NIPBL: variants seen among roughly 807,000 people sequenced by gnomAD.
NIPBL encodes NIPBL cohesin loading factor.
Under a neutral mutation model 321.8 loss-of-function variants are expected in NIPBL, and 19 were observed. That is an observed-to-expected ratio of 0.06 (90% confidence interval 0.04 to 0.09). NIPBL has a LOEUF of 0.09. Among genes scored for constraint, NIPBL ranks in the 10% least tolerant of loss-of-function variants. The pLI is 1.00. For synonymous variants in NIPBL, 1,106 were observed against 1,114.1 expected, an observed-to-expected ratio of 0.99 and a Z score of 0.14; for missense variants, 2,210 against 3,327.0, an observed-to-expected ratio of 0.66 and a Z score of 8.26.
chr5:37,024,414 TAAAAA>T (rs898464307), intron 29 of NIPBL, among the ~76,000 whole-genome samples, 166 bp from the exon 30 acceptor site: 2 of 151,468 alleles, frequency 1.3e-5, no homozygotes, highest in African/African-American at 4.8e-5. Context: ...AAAGACAACA[TAAAAA>T]AATAACACAT....
At chr5:36,946,267 T>G (rs1380271539) in intron 1 of NIPBL, among the ~76,000 whole-genome samples, 2 of 151,874 alleles carry the variant, frequency 1.3e-5, no homozygotes, top group African/African-American at 4.8e-5. Context: ...TTACCCTTAG[T>G]TTTCTGGCCC....
chr5:36,913,863 G>T (rs1268371778), intron 1 of NIPBL, among the ~76,000 whole-genome samples: 2 of 152,132 alleles, frequency 1.3e-5, no homozygotes, highest in Admixed American at 6.5e-5. Flanking sequence ...AAATGGACCA[G>T]AATAAATTAT....
Position 37,007,999 on chromosome 5 carries a change from T to G in NIPBL, c.4240-9T>G. The G allele has an allele frequency of 1.3e-6, 2 of 1,562,886 alleles. No homozygotes were observed. The highest frequency in any genetic ancestry group is 1.8e-6 in the Non-Finnish European group (2 of 1,133,632). ...AGGTGTATACTACTTACTCTTCTTT[T>G]TTAAACAGGTTTCATCTATGGGAAT... On this transcript the variant is annotated splice_polypyrimidine_tract_variant and intron_variant, in intron 18 of 46. Coordinates refer to ENST00000282516, the MANE Select transcript of NIPBL (RefSeq NM_133433.4).
At position 37,058,301 on chromosome 5, in the gene NIPBL, A is replaced by G. The variant is rs185084840; in HGVS notation, c.7411-590A>G. Among the ~76,000 whole-genome samples the G allele has an allele frequency of 2.4e-3, 366 of 152,312 alleles. 2 individuals are homozygous for G. Among genetic ancestry groups the G allele is most frequent in the African/African-American group, 8.2e-3 (342 of 41,580 alleles). On this transcript the variant is annotated intron_variant, in intron 43 of 46. Coordinates refer to ENST00000282516, the MANE Select transcript of NIPBL (RefSeq NM_133433.4). ...ATTTTACCTACTTACTGGTATGGCT[A>G]TCTTTGTAAATGTTTCTTCCACTTT...
chr5:37,032,218 A>G (rs374810776), intron 32 of NIPBL, among the ~76,000 whole-genome samples: 188 of 152,318 alleles, frequency 1.2e-3, no homozygotes, highest in African/African-American at 4.4e-3. Context: ...TGGTGAATGC[A>G]TTTGACAAAA....
chr5:37,060,708 C>T lies in NIPBL; in HGVS notation c.7686-136C>T, dbSNP rs1003330590. ...ATTAAGTAATTGTATTGAAGCTGTC[C>T]TAGGATCACAATAGTATTAAAAATA... On this transcript the variant is annotated intron_variant, in intron 44 of 46. Transcript: ENST00000282516. 7.9e-6 allele frequency: 6 copies of T among 760,360 alleles called. No homozygotes were observed. In the African/African-American group the frequency reaches 8.8e-5, roughly 11 times the overall value. 47.1% of individuals were successfully genotyped at this position (760,360 alleles called of 1,614,324 possible). A position where few individuals can be genotyped will look rare whatever the true frequency, so the allele number is the denominator to read the frequency against.
chr5:36,894,236 AAGT>A (rs1018384676), intron 1 of NIPBL, among the ~76,000 whole-genome samples: 6 of 152,162 alleles, frequency 3.9e-5, no homozygotes, highest in Non-Finnish European at 7.4e-5. Context: ...AGCAAAGAAA[AAGT>A]AATCAAATTA....
At chr5:37,004,178 A>G (rs1184243152) in intron 16 of NIPBL, among the ~76,000 whole-genome samples, 1 of 152,208 alleles carries the variant, frequency 6.6e-6, no homozygotes, top group Non-Finnish European at 1.5e-5. Context: ...AGCTGTTACT[A>G]TATTTTAATA....
intron 1 of NIPBL, among the ~76,000 whole-genome samples, chr5:36,932,734 T>C (rs973207412): frequency 6.6e-6 from 1 of 151,960 alleles, no homozygotes; most frequent in Non-Finnish European, 1.5e-5. Context: ...CTGCCTTCTT[T>C]TGTGTTAAAT....
intron 1 of NIPBL, among the ~76,000 whole-genome samples, chr5:36,880,984 G>A (rs1409311969): frequency 6.6e-6 from 1 of 152,010 alleles, no homozygotes; most frequent in Non-Finnish European, 1.5e-5. Flanking sequence ...TTTAAGAAAT[G>A]TGTGAGCTCT....
chr5:37,053,853 G>A (rs1051107143), intron 42 of NIPBL, among the ~76,000 whole-genome samples: 1 of 152,134 alleles, frequency 6.6e-6, no homozygotes, highest in African/African-American at 2.4e-5. Flanking sequence ...AACAGATATG[G>A]TTTCTGCCCA....
At chr5:37,045,665 A>G (rs945076354) in intron 37 of NIPBL, 68 bp downstream of exon 37, 4 of 1,498,246 alleles carry the variant, frequency 2.7e-6, no homozygotes, top group African/African-American at 2.8e-5. Context: ...TGAGAATGAC[A>G]GTAGTGACCC....
chr5:36,932,025 C>A (rs1295415646), intron 1 of NIPBL, among the ~76,000 whole-genome samples: 1 of 152,056 alleles, frequency 6.6e-6, no homozygotes, highest in Admixed American at 6.6e-5. Context: ...TATTTAATTT[C>A]TCTCATGATT....
chr5:37,052,640 A>G, intron 42 of NIPBL, 74 bp downstream of exon 42: 1 of 1,114,548 alleles, frequency 9.0e-7, no homozygotes. Flanking sequence ...TCATTTTTTA[A>G]ATATTACCAT....
At chr5:36,936,913 T>C (rs1206591405) in intron 1 of NIPBL, among the ~76,000 whole-genome samples, 1 of 152,102 alleles carries the variant, frequency 6.6e-6, no homozygotes, top group Non-Finnish European at 1.5e-5. Context: ...TTTTTTCCCT[T>C]CTGTACCTCA....
rs1417162872 is a variant in NIPBL, at chr5:37,064,484, T to C, written c.8050-43T>C. The C allele has an allele frequency of 7.5e-6, 12 of 1,604,828 alleles. No homozygotes were observed. In the East Asian group the frequency reaches 8.9e-5, roughly 12 times the overall value. On this transcript the variant is annotated intron_variant, in intron 46 of 46. Transcript: ENST00000282516. ...AAACAATAATTTCACTAAAATTCTT[T>C]TGTGTAACACTTGGTCTTTTTTCCC...
chr5:36,885,582 G>A, intron 1 of NIPBL: 2 of 532,624 alleles, frequency 3.8e-6, no homozygotes, highest in South Asian at 2.8e-5. Flanking sequence ...AGAGACTGGG[G>A]CCATTACTTC....
At chr5:36,966,439 G>A (rs1742211739) in intron 6 of NIPBL, among the ~76,000 whole-genome samples, 1 of 152,078 alleles carries the variant, frequency 6.6e-6, no homozygotes, top group African/African-American at 2.4e-5. Context: ...TTGGTAAGCA[G>A]TGTTGTGCAC....
intron 1 of NIPBL, among the ~76,000 whole-genome samples, chr5:36,931,499 A>T (rs188868095): frequency 1.3e-5 from 2 of 151,722 alleles, no homozygotes; most frequent in East Asian, 3.9e-4. Context: ...TGTATTTTCT[A>T]TAGAGACGAG....
Sources: allele counts gnomAD v4.1 joint callset (sites outside exome capture counted in the v4.1 genomes callset), GRCh38; gene constraint gnomAD v4.1.1; transcripts MANE v1.5; gene names NCBI Gene and HGNC (gene_info 2026-07-23, HGNC 2026-07-21).